Variants in PPARGC1A observed in about 807,000 individuals in gnomAD.
PPARGC1A encodes the protein peroxisome proliferator-activated receptor gamma coactivator 1-alpha.
Under a neutral mutation model 88.7 loss-of-function variants are expected in PPARGC1A, and 25 were observed. The observed-to-expected ratio is 0.28, with a 90% CI of 0.21 to 0.39. PPARGC1A has a LOEUF of 0.39. Ranked by LOEUF, PPARGC1A falls within the 10% of genes least tolerant of loss-of-function variation. The pLI is 1.00. For missense variants in PPARGC1A, 880 were observed against 968.7 expected, an observed-to-expected ratio of 0.91 and a Z score of 1.22; for synonymous variants, 363 against 355.6, an observed-to-expected ratio of 1.02 and a Z score of -0.24.
chr4:24,417,682 C>T, the PPARGC1A span, among the ~76,000 whole-genome samples: 1 of 151,868 alleles, frequency 6.6e-6, no homozygotes, highest in Admixed American at 6.6e-5. Context: ...CACTTTGCAG[C>T]CATTAAAGGT....
At chr4:23,987,272 T>A in the PPARGC1A span, among the ~76,000 whole-genome samples, 3 of 152,072 alleles carry the variant, frequency 2.0e-5, no homozygotes, top group African/African-American at 7.2e-5. Flanking sequence ...GGAATCCCTC[T>A]GCACCTGAAG....
the PPARGC1A span, among the ~76,000 whole-genome samples, chr4:24,457,810 G>A: frequency 1.2e-4 from 18 of 152,012 alleles, no homozygotes; most frequent in African/African-American, 3.1e-4. Flanking sequence ...TGATCCACCC[G>A]CCTTGGCCTC....
chr4:23,915,637 C>T, the PPARGC1A span, among the ~76,000 whole-genome samples: 4 of 152,226 alleles, frequency 2.6e-5, no homozygotes, highest in South Asian at 8.3e-4. Context: ...TAGAATAATG[C>T]CTGGCACGTG....
chr4:24,279,681 C>T, the PPARGC1A span, among the ~76,000 whole-genome samples: 3 of 152,090 alleles, frequency 2.0e-5, no homozygotes, highest in Non-Finnish European at 4.4e-5. Flanking sequence ...CTGACACACG[C>T]GGCACCCTCA....
At chr4:23,814,868 C>A (rs1022695510) in intron 7 of PPARGC1A, among the ~76,000 whole-genome samples, 7 of 152,078 alleles carry the variant, frequency 4.6e-5, no homozygotes, top group Admixed American at 1.3e-4. Context: ...CCAATGCTAA[C>A]AAATCCTGCT....
chr4:24,251,452 G>C, the PPARGC1A span, among the ~76,000 whole-genome samples: 1 of 152,164 alleles, frequency 6.6e-6, no homozygotes, highest in African/African-American at 2.4e-5. Context: ...TGGTTATGCT[G>C]TCCCGCTTTT....
chr4:24,080,667 C>A, the PPARGC1A span, among the ~76,000 whole-genome samples: 1 of 152,042 alleles, frequency 6.6e-6, no homozygotes, highest in Admixed American at 6.6e-5. Flanking sequence ...AGTCACTTTG[C>A]CAAGGGATTT....
intron 3 of PPARGC1A, among the ~76,000 whole-genome samples, chr4:23,830,754 G>A (rs954840872): frequency 6.6e-6 from 1 of 152,104 alleles, no homozygotes; most frequent in Non-Finnish European, 1.5e-5. Context: ...ATGACAAATG[G>A]CTATCATAGA....
At chr4:24,352,727 T>C in the PPARGC1A span, among the ~76,000 whole-genome samples, 7 of 152,184 alleles carry the variant, frequency 4.6e-5, no homozygotes, top group African/African-American at 1.2e-4. Context: ...TCTTTGAGTT[T>C]CCTCCCCTCC....
At chr4:23,952,625 G>A in the PPARGC1A span, among the ~76,000 whole-genome samples, 1 of 152,086 alleles carries the variant, frequency 6.6e-6, no homozygotes, top group African/African-American at 2.4e-5. Context: ...GGTTTTAGGG[G>A]GCCCGAAACT....
intron 10 of PPARGC1A, among the ~76,000 whole-genome samples, chr4:23,809,999 G>A (rs1383980155): frequency 1.3e-5 from 2 of 152,104 alleles, no homozygotes; most frequent in African/African-American, 4.8e-5. Flanking sequence ...TTATCTGCCA[G>A]TATGGTTGAA....
chr4:24,011,280 T>A, the PPARGC1A span, among the ~76,000 whole-genome samples: 1 of 152,154 alleles, frequency 6.6e-6, no homozygotes, highest in Non-Finnish European at 1.5e-5. Context: ...GACTTCACCA[T>A]CAGCCATCTG....
the PPARGC1A span, among the ~76,000 whole-genome samples, chr4:23,993,371 G>A: frequency 6.6e-6 from 1 of 152,138 alleles, no homozygotes; most frequent in Non-Finnish European, 1.5e-5. Context: ...AGAGTAGAAA[G>A]TAAGTGTACT....
At chr4:24,427,947 T>C in the PPARGC1A span, among the ~76,000 whole-genome samples, 2 of 151,548 alleles carry the variant, frequency 1.3e-5, no homozygotes, top group African/African-American at 2.4e-5. Flanking sequence ...CTCTTTTCTA[T>C]AAAAAAAAAT....
At chr4:24,128,042 C>G in the PPARGC1A span, among the ~76,000 whole-genome samples, 6 of 152,144 alleles carry the variant, frequency 3.9e-5, no homozygotes, top group Non-Finnish European at 8.8e-5. Context: ...ATCTGCACAC[C>G]ATATGGGAAT....
the PPARGC1A span, among the ~76,000 whole-genome samples, chr4:24,420,737 C>A: frequency 6.6e-6 from 1 of 152,300 alleles, no homozygotes; most frequent in East Asian, 1.9e-4. Flanking sequence ...CATTCTCCAA[C>A]CGATTCTTGC....
chr4:24,073,006 C>CTG, the PPARGC1A span, among the ~76,000 whole-genome samples: 1 of 151,708 alleles, frequency 6.6e-6, no homozygotes, highest in Non-Finnish European at 1.5e-5. Flanking sequence ...TTCCCCAGTA[C>CTG]ACTGTCATCC....
chr4:24,125,887 A>C, the PPARGC1A span, among the ~76,000 whole-genome samples: 1 of 152,168 alleles, frequency 6.6e-6, no homozygotes, highest in Non-Finnish European at 1.5e-5. Flanking sequence ...CCTCGAATAA[A>C]TAAGTAAACA....
At chr4:24,103,579 G>A in the PPARGC1A span, among the ~76,000 whole-genome samples, 9 of 130,974 alleles carry the variant, frequency 6.9e-5, no homozygotes, top group South Asian at 2.5e-4. Flanking sequence ...TTTAAGATGC[G>A]CTTAATGCCT....
Sources: allele counts gnomAD v4.1 joint callset (sites outside exome capture counted in the v4.1 genomes callset), GRCh38; gene constraint gnomAD v4.1.1; transcripts MANE v1.5; gene names NCBI Gene and HGNC (gene_info 2026-07-23, HGNC 2026-07-21).